DNM3: variants seen among roughly 807,000 people sequenced by gnomAD.
The protein encoded by DNM3 is dynamin 3, also known as dynamin-3.
DNM3 carries 47 observed loss-of-function variants against 101.6 expected under a neutral mutation model. The observed-to-expected ratio is 0.46, with a 90% CI of 0.37 to 0.59. The LOEUF (loss-of-function observed/expected upper bound fraction) is 0.59. DNM3 is among the 20% of genes least tolerant of loss of function. The probability of loss-of-function intolerance (pLI) is 0.00; values close to 1 mark genes in which losing one functional copy is unlikely to be tolerated. For missense variants in DNM3, 849 were observed against 1,085.7 expected, an observed-to-expected ratio of 0.78 and a Z score of 3.06; for synonymous variants, 385 against 387.9, an observed-to-expected ratio of 0.99 and a Z score of 0.09.
intron 2 of DNM3, among the ~76,000 whole-genome samples, chr1:171,947,265 AG>A (rs2042229579): frequency 1.3e-5 from 2 of 152,080 alleles, no homozygotes; most frequent in Admixed American, 1.3e-4. Context: ...CTTTGGACTG[AG>A]GCTTCATTTT....
intron 2 of DNM3, among the ~76,000 whole-genome samples, chr1:171,950,637 A>C (rs1033662821): frequency 1.3e-5 from 2 of 152,222 alleles, no homozygotes; most frequent in Admixed American, 6.5e-5. Context: ...ATTAACCTAT[A>C]GTGACACAAA....
chr1:172,045,256 G>T, intron 9 of DNM3, among the ~76,000 whole-genome samples: 1 of 152,126 alleles, frequency 6.6e-6, no homozygotes, highest in East Asian at 1.9e-4. Flanking sequence ...AGTCTGTTTG[G>T]ACTGCTGTAA....
chr1:171,895,987 C>T (rs2037756694), intron 1 of DNM3, among the ~76,000 whole-genome samples: 2 of 152,080 alleles, frequency 1.3e-5, no homozygotes, highest in South Asian at 4.1e-4. Flanking sequence ...TGTTCTGTTC[C>T]ATTGATCTAT....
rs1231520821 is a variant in DNM3, at chr1:172,065,388, G to A, written c.1336-3431G>A. On this transcript the variant is annotated intron_variant, in intron 10 of 20. Coordinates refer to ENST00000627582, the MANE Select transcript of DNM3 (RefSeq NM_015569.5). ...CTTGGGAAGCTGTCTGAGTGCAGGC[G>A]GAATTGATTGTCTTGGTGACCTAGG... 4.6e-5 allele frequency among the ~76,000 whole-genome samples: 7 copies of A among 152,090 alleles called. No homozygotes were observed. In the South Asian group the frequency reaches 6.2e-4, roughly 14 times the overall value.
At chr1:171,866,633 G>C (rs1411905533) in intron 1 of DNM3, among the ~76,000 whole-genome samples, 2 of 151,824 alleles carry the variant, frequency 1.3e-5, no homozygotes, top group Non-Finnish European at 2.9e-5. Flanking sequence ...CCTCTATAAA[G>C]CTTTCCTAAT....
chr1:172,347,010 C>T (rs1573552505), intron 17 of DNM3, among the ~76,000 whole-genome samples: 1 of 152,122 alleles, frequency 6.6e-6, no homozygotes, highest in Admixed American at 6.5e-5. Context: ...ATTGTATTGA[C>T]CTTGGCACTA....
intron 15 of DNM3, among the ~76,000 whole-genome samples, chr1:172,302,228 TG>T (rs1210789819): frequency 1.3e-5 from 2 of 152,240 alleles, no homozygotes; most frequent in African/African-American, 4.8e-5. Flanking sequence ...ATCCCACGCC[TG>T]GCTCAGCAGG....
chr1:172,177,051 G>A lies in DNM3; in HGVS notation c.1659+45763G>A, dbSNP rs551266812. On this transcript the variant is annotated intron_variant, in intron 14 of 20. Coordinates refer to ENST00000627582, the MANE Select transcript of DNM3 (RefSeq NM_015569.5). ...GACTTGGTGACTGAAGGTGCTTAAC[G>A]CAAAGGGAAACTGAGGAATTGGCGA... is the stretch of plus-strand genomic sequence containing the variant. Among the ~76,000 whole-genome samples, 5 of 151,938 alleles carry A rather than the reference G, an allele frequency of 3.3e-5. No homozygotes were observed. The East Asian group carries it at 9.7e-4, about 30-fold the overall frequency.
At chr1:172,415,836 G>C (rs1437396127), downstream of DNM3, among the ~76,000 whole-genome samples, 1 of 151,942 alleles carries the variant, frequency 6.6e-6, no homozygotes, top group Admixed American at 6.6e-5. Flanking sequence ...GGCCTTTTTT[G>C]TGAGATTTTA....
intron 14 of DNM3, among the ~76,000 whole-genome samples, chr1:172,170,528 T>C (rs183961621): frequency 1.3e-5 from 2 of 152,030 alleles, no homozygotes; most frequent in East Asian, 1.9e-4. Flanking sequence ...TGAGTTAATG[T>C]GTGTAAGGCT....
chr1:172,395,927 C>T (rs1300830241), intron 20 of DNM3, among the ~76,000 whole-genome samples: 1 of 152,148 alleles, frequency 6.6e-6, no homozygotes, highest in Non-Finnish European at 1.5e-5. Context: ...TTTACATGTG[C>T]ATTGATGCCA....
chr1:172,132,271 G>A (rs1404053745), intron 14 of DNM3, among the ~76,000 whole-genome samples: 1 of 152,132 alleles, frequency 6.6e-6, no homozygotes, highest in African/African-American at 2.4e-5. Flanking sequence ...GTCTTATATA[G>A]CACTTTTCAT....
At chr1:172,289,181 C>T (rs2063809631) in intron 15 of DNM3, among the ~76,000 whole-genome samples, 1 of 152,016 alleles carries the variant, frequency 6.6e-6, no homozygotes, top group African/African-American at 2.4e-5. Flanking sequence ...ATGTATTAGA[C>T]TATTATAATT....
chr1:172,411,173 T>A lies in DNM3; in HGVS notation c.*3332T>A, dbSNP rs1401787641. 1 of 985,150 alleles carries A rather than the reference T, an allele frequency of 1.0e-6. No individual in the cohort carries two copies. The highest frequency in any genetic ancestry group is 1.7e-5 in the African/African-American group (1 of 57,228). 61.0% of individuals were successfully genotyped at this position (985,150 alleles called of 1,614,324 possible). On this transcript the variant is annotated 3_prime_UTR_variant, in exon 21 of 21. Coordinates refer to ENST00000627582, the MANE Select transcript of DNM3 (RefSeq NM_015569.5). Reference sequence around the variant, plus strand: ...TGTGGTATCAGGATATTTTTTAAACTGTGATAATACAACAGATAGCTTTGA... The same window carrying A: ...TGTGGTATCAGGATATTTTTTAAACAGTGATAATACAACAGATAGCTTTGA...
chr1:172,339,782 C>CCTGCTAGGTGCTAAGAATAAAAGATTA (rs1246500965), intron 17 of DNM3, among the ~76,000 whole-genome samples: 2 of 152,128 alleles, frequency 1.3e-5, no homozygotes, highest in Non-Finnish European at 2.9e-5. Flanking sequence ...TTATTGAGCA[C>CCTGCTAGGTGCTAAGAATAAAAGATTA]CTGCTAGGTG....
In DNM3 at chr1:172,038,313, G is replaced by T. The variant is rs1369475839; in HGVS notation, c.850-6G>T. On this transcript the variant is annotated splice_region_variant and splice_polypyrimidine_tract_variant and intron_variant, in intron 6 of 20. Transcript: ENST00000627582. ...CAATCTGTGTGTATCATTTTGTTTT[G>T]TTTAGCAACTTACCAACCACATTCG... 1 of 1,612,886 alleles carries T rather than the reference G, an allele frequency of 6.2e-7. No individual in the cohort carries two copies. Among genetic ancestry groups the T allele is most frequent in the Non-Finnish European group, 8.5e-7 (1 of 1,179,318 alleles).
intron 20 of DNM3, among the ~76,000 whole-genome samples, chr1:172,401,067 T>C (rs1468575578): frequency 6.6e-6 from 1 of 152,220 alleles, no homozygotes; most frequent in Non-Finnish European, 1.5e-5. Context: ...TTTATTTCTG[T>C]ATCTCTACCT....
chr1:172,298,585 C>G (rs960592289), intron 15 of DNM3, among the ~76,000 whole-genome samples: 1 of 152,128 alleles, frequency 6.6e-6, no homozygotes, highest in Non-Finnish European at 1.5e-5. Flanking sequence ...TGCTCACACC[C>G]TGTCTACCTG....
intron 6 of DNM3, among the ~76,000 whole-genome samples, chr1:172,035,799 G>C (rs2048913621): frequency 6.6e-6 from 1 of 152,044 alleles, no homozygotes; most frequent in African/African-American, 2.4e-5. Flanking sequence ...TTCATAGTTA[G>C]AACAGCAACG....
Sources: allele counts gnomAD v4.1 joint callset (sites outside exome capture counted in the v4.1 genomes callset), GRCh38; gene constraint gnomAD v4.1.1; transcripts MANE v1.5; gene names NCBI Gene and HGNC (gene_info 2026-07-23, HGNC 2026-07-21).